Variants in COL15A1 observed in about 807,000 individuals in gnomAD.
The protein encoded by COL15A1 is collagen type XV alpha 1 chain.
Under a neutral mutation model 165.9 loss-of-function variants are expected in COL15A1, and 111 were observed. That is an observed-to-expected ratio of 0.67 (90% CI 0.57 to 0.78). COL15A1 has a LOEUF of 0.78. Ranked by LOEUF, COL15A1 falls within the 30% of genes least tolerant of loss-of-function variation. COL15A1 has a pLI of 0.00. For missense variants in COL15A1, 1,745 were observed against 1,789.7 expected (o/e 0.98, Z 0.45); for synonymous variants, 659 against 674.8 (o/e 0.98, Z 0.36).
chr9:98,957,119 G>A (rs570609275), intron 2 of COL15A1, among the ~76,000 whole-genome samples: 1 of 152,326 alleles, frequency 6.6e-6, no homozygotes, highest in South Asian at 2.1e-4. Flanking sequence ...TCAAATGAGG[G>A]AGATTGTCTC....
In COL15A1 at chr9:99,038,972, T is replaced by C. The variant is rs76217284; in HGVS notation, c.2475+239T>C. The stretch of plus-strand genomic sequence containing the variant: ...TCCTGTGCACCGGCAATATGTGTCA[T>C]GGAAATTAGAGAATGCTAAGTAACA... On this transcript the variant is annotated intron_variant, in intron 22 of 41. Transcript: ENST00000375001. Among the ~76,000 whole-genome samples, 836 of 152,366 alleles carry C rather than the reference T, an allele frequency of 5.5e-3. 9 individuals are homozygous for C. The highest frequency in any genetic ancestry group is 0.019 in the African/African-American group (774 of 41,588).
chr9:99,060,835 G>A (rs1432707514), intron 36 of COL15A1, among the ~76,000 whole-genome samples: 2 of 152,116 alleles, frequency 1.3e-5, no homozygotes, highest in Non-Finnish European at 2.9e-5. Context: ...AACCATGACT[G>A]TGCCACTGCA....
At chr9:99,049,074 A>G (rs1304580336) in intron 28 of COL15A1, among the ~76,000 whole-genome samples, 3 of 152,146 alleles carry the variant, frequency 2.0e-5, no homozygotes, top group African/African-American at 7.2e-5. Context: ...TAGAGTGATC[A>G]ATACACTTTC....
chr9:99,050,669 A>C (rs1477100516), intron 30 of COL15A1, among the ~76,000 whole-genome samples: 2 of 152,256 alleles, frequency 1.3e-5, no homozygotes, highest in Non-Finnish European at 2.9e-5. Context: ...TTTATTGAGC[A>C]CTTATGCAGT....
At chr9:98,959,131 C>G (rs188895674) in intron 2 of COL15A1, among the ~76,000 whole-genome samples, 1 of 140,664 alleles carries the variant, frequency 7.1e-6, no homozygotes, top group East Asian at 2.3e-4. Flanking sequence ...TGGCTCACAT[C>G]TGTAATCTCA....
In COL15A1 at chr9:99,057,561, C is replaced by T. The variant is rs115236556; in HGVS notation, c.3337+1157C>T. On this transcript the variant is annotated intron_variant, in intron 35 of 41. Transcript: ENST00000375001. ...GTATTTTATTGAAACCTCACAACAA[C>T]ACTTTAAAAAAAGCATTAACATCCC... Among the ~76,000 whole-genome samples the T allele has an allele frequency of 2.0e-3, 308 of 152,200 alleles. 1 individual carries two copies. The highest frequency in any genetic ancestry group is 6.5e-3 in the African/African-American group (272 of 41,528).
At chr9:98,970,852 T>C (rs1035371390) in intron 2 of COL15A1, among the ~76,000 whole-genome samples, 4 of 152,140 alleles carry the variant, frequency 2.6e-5, no homozygotes, top group African/African-American at 9.7e-5. Flanking sequence ...CGGTGTATAC[T>C]GGAGTATATA....
chr9:98,989,130 G>C, intron 4 of COL15A1, 48 bp from the exon 5 acceptor site: 2 of 1,471,794 alleles, frequency 1.4e-6, no homozygotes, highest in Non-Finnish European at 1.9e-6. Flanking sequence ...AACTCTTATG[G>C]GCCCTGCCCG....
chr9:99,033,721 A>T (rs1336380908), intron 16 of COL15A1, among the ~76,000 whole-genome samples: 3 of 152,216 alleles, frequency 2.0e-5, no homozygotes, highest in Non-Finnish European at 4.4e-5. Flanking sequence ...GGGGGGAAGG[A>T]CATAGTCTTT....
intron 14 of COL15A1, 139 bp downstream of exon 14, chr9:99,023,588 A>G: frequency 1.8e-6 from 1 of 567,990 alleles, no homozygotes; most frequent in African/African-American, 1.9e-5. Context: ...ATGGGGGTTC[A>G]TTCTACTTTT....
intron 9 of COL15A1, among the ~76,000 whole-genome samples, chr9:99,010,020 A>G (rs1002166277): frequency 6.6e-6 from 1 of 152,202 alleles, no homozygotes; most frequent in African/African-American, 2.4e-5. Flanking sequence ...ATCTGCCCTT[A>G]TAATCTCATG....
At chr9:99,049,825 C>T in intron 29 of COL15A1, 29 bp from the exon 30 acceptor site, 1 of 1,614,236 alleles carries the variant, frequency 6.2e-7, no homozygotes, top group South Asian at 1.1e-5. Context: ...TCCTGTTGAC[C>T]TCACCTCTCT....
At chr9:98,949,412 G>A (rs555761452) in intron 2 of COL15A1, among the ~76,000 whole-genome samples, 10 of 152,336 alleles carry the variant, frequency 6.6e-5, no homozygotes, top group African/African-American at 1.9e-4. Flanking sequence ...CGAGTGGAGT[G>A]CTGAATCAGA....
chr9:98,972,028 G>A (rs1212766407), intron 2 of COL15A1, among the ~76,000 whole-genome samples: 2 of 152,176 alleles, frequency 1.3e-5, no homozygotes, highest in Admixed American at 6.5e-5. Flanking sequence ...CCCAATGAGC[G>A]AGGACTCCCA....
intron 2 of COL15A1, among the ~76,000 whole-genome samples, chr9:98,972,603 T>C (rs1007337691): frequency 1.3e-5 from 2 of 152,246 alleles, no homozygotes; most frequent in African/African-American, 4.8e-5. Flanking sequence ...GCACTTGGCA[T>C]GCAGCAAGCC....
At chr9:99,029,890 A>C (rs1358384921) in intron 16 of COL15A1, among the ~76,000 whole-genome samples, 6 of 151,312 alleles carry the variant, frequency 4.0e-5, no homozygotes, top group Non-Finnish European at 8.8e-5. Context: ...GTGCCATTGC[A>C]CTCCAGCCTG....
rs77310065 is a variant in COL15A1 at position 98,990,673 on chromosome 9, C to T, written c.804+1415C>T. 6.2e-3 allele frequency among the ~76,000 whole-genome samples: 940 copies of T among 152,290 alleles called. 7 individuals carry two copies. Among genetic ancestry groups the T allele is most frequent in the African/African-American group, 0.021 (855 of 41,556 alleles). The stretch of plus-strand genomic sequence containing the variant: ...GTGGAGTTTGAGCCTGAGATGATCA[C>T]AGGGGACAGAAGTAGGGCAGAGAAG... On this transcript the variant is annotated intron_variant, in intron 5 of 41. Coordinates refer to ENST00000375001, the MANE Select transcript of COL15A1 (RefSeq NM_001855.5).
At chr9:98,998,038 A>G (rs914193598) in intron 6 of COL15A1, among the ~76,000 whole-genome samples, 1 of 152,242 alleles carries the variant, frequency 6.6e-6, no homozygotes, top group African/African-American at 2.4e-5. Context: ...TGCTCGTGGT[A>G]TATTCCACCA....
intron 2 of COL15A1, among the ~76,000 whole-genome samples, chr9:98,958,816 T>A (rs1012404652): frequency 2.7e-4 from 41 of 152,146 alleles, no homozygotes; most frequent in African/African-American, 8.4e-4. Context: ...CACAGGAGCT[T>A]TGCCAAGTCC....
Sources: allele counts gnomAD v4.1 joint callset (sites outside exome capture counted in the v4.1 genomes callset), GRCh38; gene constraint gnomAD v4.1.1; transcripts MANE v1.5; gene names NCBI Gene and HGNC (gene_info 2026-07-23, HGNC 2026-07-21).